QSER1: variants seen among roughly 807,000 people sequenced by gnomAD.
QSER1 encodes the protein glutamine and serine-rich protein 1.
Under a neutral mutation model 158.5 loss-of-function variants are expected in QSER1, and 49 were observed. The observed-to-expected ratio is 0.31, with a 90% CI of 0.25 to 0.39. QSER1 has a LOEUF of 0.39. Ranked by LOEUF, QSER1 falls within the 10% of genes least tolerant of loss-of-function variation. QSER1 has a pLI of 1.00. For missense variants in QSER1, 1,754 were observed against 2,010.3 expected (o/e 0.87, Z 2.44); for synonymous variants, 650 against 715.5 (o/e 0.91, Z 1.46).
At chr11:32,910,347 CA>C (rs1318305595) in intron 1 of QSER1, among the ~76,000 whole-genome samples, 1 of 152,194 alleles carries the variant, frequency 6.6e-6, no homozygotes, top group Non-Finnish European at 1.5e-5. Flanking sequence ...CCCTGTCTCA[CA>C]ACTAAACTGT....
chr11:32,934,491 C>G lies in QSER1; in HGVS notation c.3233C>G (p.Thr1078Arg). Residue 1078 changes from threonine to arginine, a missense_variant, in exon 4 of 13, where the codon ACA becomes AGA. Physicochemically the swap from Thr to Arg is moderately conservative, Grantham distance 71. Transcript: ENST00000650167. Reference protein sequence around the residue: ...KMTLDQQHIETPGQNIPTKVT... With the variant: ...KMTLDQQHIERPGQNIPTKVT... The stretch of plus-strand genomic sequence containing the variant: ...ACTCTTGATCAACAGCACATTGAAA[C>G]ACCTGGTCAAAATATACCAACTAAA... The G allele has an allele frequency of 6.2e-7, 1 of 1,613,664 alleles. No homozygotes were observed. Among genetic ancestry groups the G allele is most frequent in the Non-Finnish European group, 8.5e-7 (1 of 1,179,994 alleles).
intron 1 of QSER1, among the ~76,000 whole-genome samples, chr11:32,905,197 T>C (rs1851676651): frequency 1.3e-5 from 2 of 152,246 alleles, no homozygotes; most frequent in Admixed American, 6.5e-5. Flanking sequence ...CCTAATGCCA[T>C]CATTCTCATT....
Position 32,954,058 on chromosome 11 carries a change from G to A in QSER1, c.4379G>A (p.Gly1460Glu). 1 of 1,614,166 alleles carries A rather than the reference G, an allele frequency of 6.2e-7. No individual in the cohort carries two copies. The highest frequency in any genetic ancestry group is 8.5e-7 in the Non-Finnish European group (1 of 1,180,034). Residue 1460 changes from glycine (G) to glutamate (E), a missense_variant, in exon 5 of 13, where the codon GGA (glycine) becomes GAA (glutamate). Gly to Glu is a moderately conservative substitution (Grantham distance 98, BLOSUM62 -2). Around this residue, in one of 2 missense-constraint regions of QSER1, gnomAD observed 1,707 missense variants for 1,919.6 expected, o/e 0.89. Coordinates refer to ENST00000650167, the MANE Select transcript of QSER1 (RefSeq NM_001076786.3). ...CTTCCTTCAGACCAGTTTGCAAAAG[G>A]ACAGGACACTGTTGCCATAGAAGGT... ...DGLPSDQFAK[G>E]QDTVAIEGFT...
intron 11 of QSER1, among the ~76,000 whole-genome samples, chr11:32,974,294 C>T (rs1852930804): frequency 1.3e-5 from 2 of 152,034 alleles, no homozygotes; most frequent in South Asian, 4.1e-4. Flanking sequence ...AGGCATGGTG[C>T]CATGCACCTG....
chr11:32,947,195 TC>T (rs1422509528), intron 4 of QSER1, among the ~76,000 whole-genome samples: 1 of 152,242 alleles, frequency 6.6e-6, no homozygotes, highest in Non-Finnish European at 1.5e-5. Context: ...GTCTTCTGCG[TC>T]GCTCAGGCTG....
chr11:32,950,342 C>T (rs1303832002), intron 4 of QSER1, among the ~76,000 whole-genome samples: 3 of 152,240 alleles, frequency 2.0e-5, no homozygotes, highest in African/African-American at 4.8e-5. Context: ...GATCTGCCCA[C>T]CCAGGCCTCC....
chr11:32,941,787 G>T (rs1337091793), intron 4 of QSER1, among the ~76,000 whole-genome samples: 1 of 151,910 alleles, frequency 6.6e-6, no homozygotes, highest in Non-Finnish European at 1.5e-5. Context: ...TCTAGTTCTA[G>T]ATCCCTGAGC....
chr11:32,913,566 T>G (rs1486029416), intron 1 of QSER1, among the ~76,000 whole-genome samples: 1 of 152,192 alleles, frequency 6.6e-6, no homozygotes, highest in Non-Finnish European at 1.5e-5. Flanking sequence ...GTTTATTTAC[T>G]TATGCTCTTT....
intron 1 of QSER1, among the ~76,000 whole-genome samples, chr11:32,918,443 T>A (rs1384282859): frequency 6.6e-6 from 1 of 151,584 alleles, no homozygotes; most frequent in African/African-American, 2.4e-5. Flanking sequence ...GAGGTGAAAT[T>A]TAAGCAGAGA....
chr11:32,913,386 G>C (rs1475472412), intron 1 of QSER1, among the ~76,000 whole-genome samples: 4 of 151,606 alleles, frequency 2.6e-5, no homozygotes, highest in Admixed American at 1.3e-4. Flanking sequence ...GTAGAGACGA[G>C]GTTTCATCGT....
At position 32,925,494 on chromosome 11, in the gene QSER1, TTTTATTTATTTATTTA is replaced by T. The variant is rs374397828; in HGVS notation, c.210-1631_210-1616del. ...CTACTGGAATGTTGATACATCGCTT[TTTTATTTATTTATTTA>T]TTTATTTATTTATTTATTTATTTAT... On this transcript the variant is annotated intron_variant, in intron 1 of 12. Coordinates refer to ENST00000650167, the MANE Select transcript of QSER1 (RefSeq NM_001076786.3). Among the ~76,000 whole-genome samples, 810 of 143,642 alleles carry T rather than the reference TTTTATTTATTTATTTA, an allele frequency of 5.6e-3. 1 individual carries two copies. The highest frequency in any genetic ancestry group is 9.1e-3 in the Non-Finnish European group (598 of 65,758). 94.2% of individuals were successfully genotyped at this position (143,642 alleles called of 152,430 possible).
In QSER1 at chr11:32,979,748, ATT is replaced by A. The variant is rs1564952685; in HGVS notation, c.*3277_*3278del. 1.3e-5 allele frequency: 2 copies of A among 152,250 alleles called. No individual in the cohort carries two copies. Among genetic ancestry groups the A allele is most frequent in the African/African-American group, 4.8e-5 (2 of 41,548 alleles). 9.4% of individuals were successfully genotyped at this position (152,250 alleles called of 1,614,324 possible). On this transcript the variant is annotated 3_prime_UTR_variant, in exon 13 of 13. Transcript: ENST00000650167. ...GATTTTCCTTTTAATATACATATTTATTTTCTTTAAAGCAGCTATATCCCAAC... is the reference window on the plus strand; with the variant it reads ...GATTTTCCTTTTAATATACATATTTATTCTTTAAAGCAGCTATATCCCAAC...
At chr11:32,896,139 T>C (rs1851551505) in intron 1 of QSER1, among the ~76,000 whole-genome samples, 1 of 152,176 alleles carries the variant, frequency 6.6e-6, no homozygotes, top group South Asian at 2.1e-4. Flanking sequence ...GGGTGCAGTT[T>C]TGGATGTTGT....
chr11:32,936,075 C>T (rs1244822217), intron 4 of QSER1, among the ~76,000 whole-genome samples: 1 of 151,842 alleles, frequency 6.6e-6, no homozygotes, highest in Non-Finnish European at 1.5e-5. Flanking sequence ...TTTTAGGGTA[C>T]ATGTGCACAA....
At chr11:32,968,083 T>C (rs1388443051) in intron 9 of QSER1, among the ~76,000 whole-genome samples, 1 of 152,194 alleles carries the variant, frequency 6.6e-6, no homozygotes, top group African/African-American at 2.4e-5. Flanking sequence ...TTTTTAAAAA[T>C]TGCTTATCAG....
At chr11:32,957,266 C>T (rs908012842) in intron 7 of QSER1, among the ~76,000 whole-genome samples, 32 of 151,670 alleles carry the variant, frequency 2.1e-4, no homozygotes, top group African/African-American at 7.3e-4. Context: ...CTCAGCCTCC[C>T]GAGTAGCTGG....
rs747510612 is a variant in QSER1 at position 32,977,825 on chromosome 11, T to C, written c.*1351T>C. The C allele has an allele frequency of 3.9e-5, 6 of 152,786 alleles. No individual in the cohort carries two copies. The East Asian group carries it at 1.2e-3, about 29-fold the overall frequency. The allele number at this position is 152,786 out of a possible 1,614,324, so 9.5% of individuals were successfully genotyped here. A position where few individuals can be genotyped will look rare whatever the true frequency, so the allele number is the denominator to read the frequency against. On this transcript the variant is annotated 3_prime_UTR_variant, in exon 13 of 13. Transcript: ENST00000650167. ...TCCTTTTTTAGGATTCTAAAGAAGT[T>C]AATCATCATCCTTTTGTTTATTTTA... is the stretch of plus-strand genomic sequence containing the variant.
intron 4 of QSER1, among the ~76,000 whole-genome samples, chr11:32,936,271 G>GT (rs2133554861): frequency 6.8e-6 from 1 of 147,816 alleles, no homozygotes; most frequent in East Asian, 2.0e-4. Context: ...TCCCACCTGA[G>GT]TGAGAACACG....
Position 32,931,808 on chromosome 11 carries a change from C to T in QSER1, c.550C>T (p.Pro184Ser). The change falls in exon 4 of 13, where the codon CCA becomes TCA. Residue 184 changes from proline (P) to serine (S), a missense_variant. Around this residue, in one of 2 missense-constraint regions of QSER1, gnomAD observed 1,707 missense variants for 1,919.6 expected, o/e 0.89. Coordinates refer to ENST00000650167, the MANE Select transcript of QSER1 (RefSeq NM_001076786.3). ...ACCTTTGCCAAGCACTGGAACACTT[C>T]CACCATCTCTCTCTGCTTATCAGCA... ...TGPLPSTGTL[P>S]PSLSAYQHPT... 6.2e-7 allele frequency: 1 copy of T among 1,613,978 alleles called. No individual in the cohort carries two copies. Among genetic ancestry groups the T allele is most frequent in the African/African-American group, 1.3e-5 (1 of 75,060 alleles).
Sources: allele counts gnomAD v4.1 joint callset (sites outside exome capture counted in the v4.1 genomes callset), GRCh38; gene constraint gnomAD v4.1.1; regional missense constraint gnomAD v4.1.1; transcripts MANE v1.5; gene names NCBI Gene and HGNC (gene_info 2026-07-23, HGNC 2026-07-21).